The following PPP2R5E variants were observed in gnomAD, a reference collection of about 807,000 sequenced individuals.
PPP2R5E encodes the protein serine/threonine-protein phosphatase 2A 56 kDa regulatory subunit epsilon isoform.
A neutral mutation model predicts 65.3 loss-of-function variants in PPP2R5E; 4 were observed. The ratio of observed to expected loss-of-function variants is 0.06; its 90% CI spans 0.03 to 0.14. PPP2R5E has a LOEUF of 0.14. Ranked by LOEUF, PPP2R5E falls within the 10% of genes least tolerant of loss-of-function variation. The pLI is 1.00. For missense variants in PPP2R5E, 274 were observed against 556.1 expected, an observed-to-expected ratio of 0.49 and a Z score of 5.10; for synonymous variants, 183 against 187.4, an observed-to-expected ratio of 0.98 and a Z score of 0.19.
chr14:63,405,788 CT>C lies in PPP2R5E; in HGVS notation c.550-9073del, dbSNP rs1430121984. ...CCATCCCAATACAGATGAAAATTATCTTTATTAAGAATAGACAAAATTGTTC... is the reference window on the plus strand; with the variant it reads ...CCATCCCAATACAGATGAAAATTATCTTATTAAGAATAGACAAAATTGTTC... On this transcript the variant is annotated intron_variant, in intron 5 of 13. Transcript: ENST00000337537. 4.6e-5 allele frequency among the ~76,000 whole-genome samples: 7 copies of C among 152,262 alleles called. No homozygotes were observed. The East Asian group carries it at 9.7e-4, about 21-fold the overall frequency.
At chr14:63,459,036 T>C (rs576029056) in intron 2 of PPP2R5E, among the ~76,000 whole-genome samples, 27 of 152,328 alleles carry the variant, frequency 1.8e-4, no homozygotes, top group African/African-American at 4.8e-4. Flanking sequence ...GTATACTCTG[T>C]CCTTCACGGG....
At chr14:63,450,382 T>G (rs1888753812) in intron 3 of PPP2R5E, among the ~76,000 whole-genome samples, 1 of 152,184 alleles carries the variant, frequency 6.6e-6, no homozygotes, top group African/African-American at 2.4e-5. Flanking sequence ...CCTCCTAAGA[T>G]AAAGCTCCAG....
At chr14:63,461,499 C>G (rs1889455791) in intron 2 of PPP2R5E, among the ~76,000 whole-genome samples, 1 of 152,038 alleles carries the variant, frequency 6.6e-6, no homozygotes, top group African/African-American at 2.4e-5. Flanking sequence ...TACTTCCTTT[C>G]AAAAGGAGGG....
At chr14:63,429,493 C>A (rs747498215) in intron 3 of PPP2R5E, among the ~76,000 whole-genome samples, 1 of 152,302 alleles carries the variant, frequency 6.6e-6, no homozygotes, top group East Asian at 1.9e-4. Context: ...AAGACCTCAT[C>A]ATGCAAGTAA....
intron 5 of PPP2R5E, among the ~76,000 whole-genome samples, chr14:63,403,995 A>T (rs1352562982): frequency 6.6e-6 from 1 of 152,200 alleles, no homozygotes; most frequent in Non-Finnish European, 1.5e-5. Context: ...ATCACAAGTT[A>T]AAAAATAGCA....
intron 2 of PPP2R5E, among the ~76,000 whole-genome samples, chr14:63,535,212 G>A (rs1003246919): frequency 6.6e-6 from 1 of 152,090 alleles, no homozygotes; most frequent in East Asian, 1.9e-4. Flanking sequence ...ATCACCTGAG[G>A]TCAGGAGTTT....
intron 2 of PPP2R5E, among the ~76,000 whole-genome samples, chr14:63,491,962 G>A (rs1178144424): frequency 6.6e-6 from 1 of 151,870 alleles, no homozygotes; most frequent in African/African-American, 2.4e-5. Context: ...ATTTTTATTG[G>A]GGAGCACTAA....
chr14:63,506,349 G>A (rs1892176367), intron 2 of PPP2R5E, among the ~76,000 whole-genome samples: 1 of 152,116 alleles, frequency 6.6e-6, no homozygotes, highest in South Asian at 2.1e-4. Context: ...TACTCAGGAG[G>A]CTGAGGCAGG....
At chr14:63,404,086 T>C (rs1417135331) in intron 5 of PPP2R5E, among the ~76,000 whole-genome samples, 14 of 152,182 alleles carry the variant, frequency 9.2e-5, no homozygotes, top group African/African-American at 1.2e-4. Flanking sequence ...TTCTAGGAAA[T>C]AGGACTCTGG....
intron 2 of PPP2R5E, among the ~76,000 whole-genome samples, chr14:63,534,807 A>G (rs780935881): frequency 7.2e-5 from 11 of 152,062 alleles, no homozygotes; most frequent in Non-Finnish European, 1.0e-4. Flanking sequence ...ATTTGTACAG[A>G]TGAGGTCTCA....
At chr14:63,459,197 G>A (rs1889320539) in intron 2 of PPP2R5E, among the ~76,000 whole-genome samples, 6 of 152,158 alleles carry the variant, frequency 3.9e-5, no homozygotes, top group Admixed American at 3.9e-4. Context: ...TAAGCAGATT[G>A]AGCCGTGATA....
At chr14:63,517,348 T>A (rs1001940605) in intron 2 of PPP2R5E, among the ~76,000 whole-genome samples, 1 of 152,218 alleles carries the variant, frequency 6.6e-6, no homozygotes, top group African/African-American at 2.4e-5. Flanking sequence ...TATTTTGATA[T>A]TAAATATAGA....
intron 2 of PPP2R5E, among the ~76,000 whole-genome samples, chr14:63,454,720 G>A (rs771734217): frequency 3.9e-5 from 6 of 152,120 alleles, no homozygotes; most frequent in East Asian, 1.9e-4. Flanking sequence ...CAAATATACC[G>A]ACTAAGCTGT....
intron 2 of PPP2R5E, among the ~76,000 whole-genome samples, chr14:63,460,081 A>G (rs1889369352): frequency 6.6e-6 from 1 of 152,204 alleles, no homozygotes; most frequent in Non-Finnish European, 1.5e-5. Flanking sequence ...AATACTGTCA[A>G]AAGGATGAGA....
rs1883902245 is a variant in PPP2R5E, at chr14:63,374,879, T to C, written c.*1130A>G. 1 of 152,386 alleles carries C rather than the reference T, an allele frequency of 6.6e-6. No homozygotes were observed. The highest frequency in any genetic ancestry group is 2.1e-4 in the South Asian group (1 of 4,832). The allele number at this position is 152,386 out of a possible 1,614,324, so 9.4% of individuals were successfully genotyped here. ...GCATCCAATTCAGAATGCATAATAA[T>C]GTTTATCCTGAATCCTTTCCGGCTA... is the stretch of plus-strand genomic sequence containing the variant. On this transcript the variant is annotated 3_prime_UTR_variant, in exon 14 of 14. Transcript: ENST00000337537.
chr14:63,414,928 T>C (rs1045570876), intron 5 of PPP2R5E, among the ~76,000 whole-genome samples: 6 of 152,182 alleles, frequency 3.9e-5, no homozygotes, highest in Non-Finnish European at 7.3e-5. Flanking sequence ...TCCTGGCTAT[T>C]TAAAATGTAA....
chr14:63,476,963 TAC>T (rs1415925380), intron 2 of PPP2R5E, among the ~76,000 whole-genome samples: 1 of 152,078 alleles, frequency 6.6e-6, no homozygotes, highest in African/African-American at 2.4e-5. Context: ...ACTACAAACG[TAC>T]ACACACACAA....
chr14:63,471,850 G>A (rs1890151568), intron 2 of PPP2R5E, among the ~76,000 whole-genome samples: 1 of 152,140 alleles, frequency 6.6e-6, no homozygotes, highest in South Asian at 2.1e-4. Context: ...GGGACCATCT[G>A]GAAGGGTTAA....
chr14:63,518,207 C>G (rs1181497781), intron 2 of PPP2R5E, among the ~76,000 whole-genome samples: 2 of 152,122 alleles, frequency 1.3e-5, no homozygotes, highest in Admixed American at 1.3e-4. Context: ...TCCCAAAGCA[C>G]TGGGATTACA....
Sources: gnomAD v4.1 joint callset for allele counts (sites outside exome capture counted in the v4.1 genomes callset) on GRCh38, gnomAD v4.1.1 for gene constraint, MANE v1.5 for transcripts, NCBI Gene and HGNC (gene_info 2026-07-23, HGNC 2026-07-21) for gene names.